The following ARNT variants were observed in gnomAD, a reference collection of about 807,000 sequenced individuals.
ARNT encodes the protein class E basic helix-loop-helix protein 2.
ARNT carries 30 observed loss-of-function variants against 105.0 expected under a neutral mutation model. The ratio of observed to expected loss-of-function variants is 0.29; its 90% CI spans 0.21 to 0.39. The LOEUF is 0.39. Ranked by LOEUF, ARNT falls within the 10% of genes least tolerant of loss-of-function variation. The pLI, the probability that ARNT is intolerant of heterozygous loss-of-function variation, is 1.00. For synonymous variants in ARNT, 304 were observed against 344.0 expected, an observed-to-expected ratio of 0.88 and a Z score of 1.29; for missense variants, 748 against 978.7, an observed-to-expected ratio of 0.76 and a Z score of 3.15.
chr1:150,838,875 T>C (rs1015501354), intron 6 of ARNT, among the ~76,000 whole-genome samples: 2 of 152,244 alleles, frequency 1.3e-5, no homozygotes, highest in African/African-American at 4.8e-5. Flanking sequence ...TTCCTCTCTT[T>C]ATGCATTTTC....
intron 12 of ARNT, among the ~76,000 whole-genome samples, chr1:150,827,052 G>GA (rs1011983294): frequency 9.7e-5 from 14 of 144,408 alleles, no homozygotes; most frequent in South Asian, 4.3e-4. Context: ...GTGAGGAGGA[G>GA]AAAAAAAAAA....
At chr1:150,845,289 A>ATTT (rs974023534) in intron 4 of ARNT, among the ~76,000 whole-genome samples, 1 of 152,068 alleles carries the variant, frequency 6.6e-6, no homozygotes, top group African/African-American at 2.4e-5. Context: ...ATGTCTCTAA[A>ATTT]AAATATACAT....
At chr1:150,859,406 G>T (rs1017333797) in intron 1 of ARNT, among the ~76,000 whole-genome samples, 1 of 151,140 alleles carries the variant, frequency 6.6e-6, no homozygotes, top group African/African-American at 2.4e-5. Context: ...GAGTACAGTG[G>T]CATGATCATG....
intron 10 of ARNT, chr1:150,830,200 G>T: frequency 4.3e-6 from 2 of 460,586 alleles, no homozygotes; most frequent in Non-Finnish European, 7.9e-6. Context: ...ACAAAAATTA[G>T]CCAGGCATGG....
intron 10 of ARNT, 122 bp from the exon 11 acceptor site, chr1:150,830,102 T>C: frequency 9.2e-7 from 1 of 1,088,672 alleles, no homozygotes; most frequent in Non-Finnish European, 1.3e-6. Flanking sequence ...CTGACGCCTG[T>C]AATCCCAACA....
At chr1:150,813,634 GT>G (rs199531175) in intron 20 of ARNT, among the ~76,000 whole-genome samples, 62 of 146,968 alleles carry the variant, frequency 4.2e-4, no homozygotes, top group African/African-American at 1.1e-3. Flanking sequence ...CATGTGGGTA[GT>G]TTTTTTTTTT....
intron 1 of ARNT, among the ~76,000 whole-genome samples, chr1:150,862,919 C>T (rs1356605856): frequency 1.3e-5 from 2 of 151,474 alleles, no homozygotes; most frequent in Admixed American, 6.6e-5. Context: ...GGCATGGTGG[C>T]GCACACCTGT....
At chr1:150,847,030 G>A (rs780775987) in intron 3 of ARNT, among the ~76,000 whole-genome samples, 4 of 152,026 alleles carry the variant, frequency 2.6e-5, no homozygotes, top group Admixed American at 6.6e-5. Flanking sequence ...TGGACATTTC[G>A]GTTACTTCGA....
intron 1 of ARNT, among the ~76,000 whole-genome samples, chr1:150,868,959 T>A (rs1178954989): frequency 6.6e-6 from 1 of 151,110 alleles, no homozygotes; most frequent in Non-Finnish European, 1.5e-5. Context: ...CGAGATCCTG[T>A]CTCTACAAAA....
chr1:150,853,265 C>T (rs1355078844), intron 2 of ARNT: 1 of 381,052 alleles, frequency 2.6e-6, no homozygotes, highest in African/African-American at 2.2e-5. Context: ...TGGGCGACAA[C>T]TGCAAGACTC....
At position 150,818,006 on chromosome 1, in the gene ARNT, A is replaced by T; in HGVS notation, c.1419T>A (p.Pro473=). ...NVKNSSQEPR[P]TLSNTIQRPQ... is the part of the protein sequence containing the mutation. ...GCCTCTGGATTGTGTTGGAGAGTGT[A>T]GGCCGTGGTTCTTGGCTAGAGTTCC... The change falls in exon 15 of 22, where the codon CCT becomes CCA. Residue 473 remains proline (P), a synonymous_variant. Transcript: ENST00000358595. 1 of 1,611,934 alleles carries T rather than the reference A, an allele frequency of 6.2e-7. No individual in the cohort carries two copies. The highest frequency in any genetic ancestry group is 8.5e-7 in the Non-Finnish European group (1 of 1,179,298).
At chr1:150,826,419 C>A in intron 13 of ARNT, 124 bp downstream of exon 13, 1 of 708,864 alleles carries the variant, frequency 1.4e-6, no homozygotes, top group Non-Finnish European at 2.4e-6. Context: ...CTTAAAAATG[C>A]AGATTAACTA....
chr1:150,854,251 A>G (rs1230157640), intron 2 of ARNT, among the ~76,000 whole-genome samples: 1 of 151,952 alleles, frequency 6.6e-6, no homozygotes, highest in Non-Finnish European at 1.5e-5. Context: ...GCACTCAACT[A>G]AATTTTTTTA....
At chr1:150,813,517 T>G (rs1655173135) in intron 20 of ARNT, among the ~76,000 whole-genome samples, 179 bp from the exon 21 acceptor site, 1 of 152,210 alleles carries the variant, frequency 6.6e-6, no homozygotes, top group African/African-American at 2.4e-5. Context: ...ATTCTTCTTC[T>G]CCAGGCAGCC....
intron 1 of ARNT, among the ~76,000 whole-genome samples, chr1:150,875,922 A>G (rs2102552839): frequency 6.6e-6 from 1 of 152,346 alleles, no homozygotes; most frequent in African/African-American, 2.4e-5. Context: ...CTCAGCAGGC[A>G]AAGACCTACA....
chr1:150,869,097 C>T (rs1030844345), intron 1 of ARNT, among the ~76,000 whole-genome samples: 1 of 152,098 alleles, frequency 6.6e-6, no homozygotes, highest in Non-Finnish European at 1.5e-5. Flanking sequence ...CTACTGCACT[C>T]CAGCCTGGCT....
intron 1 of ARNT, among the ~76,000 whole-genome samples, chr1:150,870,220 C>T (rs72992015): frequency 0.15 from 23,430 of 152,008 alleles, 2,132 homozygotes; most frequent in Non-Finnish European, 0.2. Flanking sequence ...TTACCTAATA[C>T]GATTGTTATA....
At chr1:150,831,223 C>G (rs971566171) in intron 10 of ARNT, among the ~76,000 whole-genome samples, 1 of 152,100 alleles carries the variant, frequency 6.6e-6, no homozygotes, top group Non-Finnish European at 1.5e-5. Context: ...TTTCTGTCTC[C>G]CCAAAACCCC....
chr1:150,851,980 G>A (rs587649664), intron 3 of ARNT, among the ~76,000 whole-genome samples: 5 of 151,992 alleles, frequency 3.3e-5, no homozygotes, highest in East Asian at 3.9e-4. Flanking sequence ...CCCAGGAGGC[G>A]GAGGTTGCAG....
Sources: allele counts gnomAD v4.1 joint callset (sites outside exome capture counted in the v4.1 genomes callset), GRCh38; gene constraint gnomAD v4.1.1; transcripts MANE v1.5; gene names NCBI Gene and HGNC (gene_info 2026-07-23, HGNC 2026-07-21).